Variants in RAP1GAP2 observed in about 807,000 individuals in gnomAD.
RAP1GAP2 encodes the protein rap1 GTPase-activating protein 2.
RAP1GAP2 carries 27 observed loss-of-function variants against 95.0 expected under a neutral mutation model. That is an observed-to-expected ratio of 0.28 (90% CI 0.21 to 0.39). RAP1GAP2 has a LOEUF of 0.39. Ranked by LOEUF, RAP1GAP2 falls within the 10% of genes least tolerant of loss-of-function variation. RAP1GAP2 has a pLI of 1.00. For missense variants in RAP1GAP2, 771 were observed against 970.0 expected (o/e 0.79, Z 2.72); for synonymous variants, 373 against 380.9 (o/e 0.98, Z 0.24).
intron 8 of RAP1GAP2, among the ~76,000 whole-genome samples, chr17:2,974,714 T>C (rs1211485927): frequency 6.6e-6 from 1 of 152,112 alleles, no homozygotes; most frequent in Non-Finnish European, 1.5e-5. Context: ...TGTTGCTTAT[T>C]TGTGCCCCTC....
intron 2 of RAP1GAP2, among the ~76,000 whole-genome samples, chr17:2,808,999 G>T (rs1028284086): frequency 1.3e-5 from 2 of 152,216 alleles, no homozygotes; most frequent in African/African-American, 4.8e-5. Context: ...AAGCAGGGAA[G>T]GCGAGCGCTT....
chr17:2,885,223 G>T (rs2073450327), intron 2 of RAP1GAP2, among the ~76,000 whole-genome samples: 1 of 151,980 alleles, frequency 6.6e-6, no homozygotes, highest in African/African-American at 2.4e-5. Flanking sequence ...TGGTAGAGAT[G>T]GGGTTTCCCC....
intron 3 of RAP1GAP2, among the ~76,000 whole-genome samples, chr17:2,944,500 C>G (rs1434599968): frequency 7.2e-5 from 11 of 152,108 alleles, no homozygotes; most frequent in Non-Finnish European, 1.5e-5. Flanking sequence ...GTTCATATGC[C>G]TGTTATTGCC....
intron 2 of RAP1GAP2, among the ~76,000 whole-genome samples, chr17:2,846,774 G>C (rs1049123452): frequency 5.3e-5 from 8 of 152,124 alleles, no homozygotes; most frequent in Non-Finnish European, 1.0e-4. Flanking sequence ...CTGGGGGTAG[G>C]ATTCTAACCC....
intron 3 of RAP1GAP2, among the ~76,000 whole-genome samples, chr17:2,939,207 A>G (rs758306603): frequency 2.0e-5 from 3 of 151,196 alleles, no homozygotes; most frequent in Non-Finnish European, 4.4e-5. Flanking sequence ...CCTCTGCCTC[A>G]CTCCCCCGAG....
rs2044576589 is a variant in RAP1GAP2 at position 2,965,954 on chromosome 17, T to C, written c.596+311T>C. On this transcript the variant is annotated intron_variant, in intron 8 of 24. Transcript: ENST00000254695. The surrounding 1 kb of genome is among the most constrained non-coding windows in gnomAD (Gnocchi z 4.7). Reference sequence around the variant, plus strand: ...AGGAAGACGGGAAGAAAAGTAGGGATGGTTCAGTGTGACTCATCCTGCTGA... The same window carrying C: ...AGGAAGACGGGAAGAAAAGTAGGGACGGTTCAGTGTGACTCATCCTGCTGA... The C allele has an allele frequency of 2.8e-6, 1 of 355,130 alleles. No individual in the cohort carries two copies. Among genetic ancestry groups the C allele is most frequent in the African/African-American group, 2.1e-5 (1 of 48,772 alleles). The allele number at this position is 355,130 out of a possible 1,614,324, so 22.0% of individuals were successfully genotyped here. A position where few individuals can be genotyped will look rare whatever the true frequency, so the allele number is the denominator to read the frequency against.
chr17:2,830,186 C>A (rs949892148), intron 2 of RAP1GAP2, among the ~76,000 whole-genome samples: 2 of 151,916 alleles, frequency 1.3e-5, no homozygotes, highest in Admixed American at 6.6e-5. Flanking sequence ...CCGAGGTGGG[C>A]GGATCACTTG....
In RAP1GAP2 at chr17:2,811,350, T is replaced by C. The variant is rs1394038716; in HGVS notation, c.80+10800T>C. On this transcript the variant is annotated intron_variant, in intron 2 of 24. Coordinates refer to ENST00000254695, the MANE Select transcript of RAP1GAP2 (RefSeq NM_015085.5). ...GAGCAGGGGTGCTGCTAACTTGCGA[T>C]AGGACAACACAGAGGTGGTCAGGGC... Among the ~76,000 whole-genome samples, 6 of 152,162 alleles carry C rather than the reference T, an allele frequency of 3.9e-5. 1 individual carries two copies. The highest frequency in any genetic ancestry group is 3.9e-4 in the Admixed American group (6 of 15,274).
At chr17:2,758,153 G>C (rs1046800339) in intron 1 of RAP1GAP2, among the ~76,000 whole-genome samples, 6 of 147,716 alleles carry the variant, frequency 4.1e-5, no homozygotes, top group Non-Finnish European at 8.9e-5. Flanking sequence ...ACAGGCGTGA[G>C]CCACCACGCC....
intron 2 of RAP1GAP2, among the ~76,000 whole-genome samples, chr17:2,881,851 C>T (rs187897448): frequency 5.9e-5 from 9 of 152,246 alleles, no homozygotes; most frequent in Non-Finnish European, 8.8e-5. Context: ...GACGGAGTCT[C>T]GCTATGTCGC....
chr17:2,994,391 A>C (rs17221989), intron 12 of RAP1GAP2, among the ~76,000 whole-genome samples: 17,349 of 152,188 alleles, frequency 0.11, 1,714 homozygotes, highest in East Asian at 0.47. Context: ...GTATAAAGGC[A>C]GAAGGGACAA....
chr17:2,965,246 C>G lies in RAP1GAP2; in HGVS notation c.493-294C>G. ...CTCATCGTGTCATCCTGGGCAGTGA[C>G]TTAACCCCCCGACCATTGGTTTTCC... is the stretch of plus-strand genomic sequence containing the variant. On this transcript the variant is annotated intron_variant, in intron 7 of 24. Transcript: ENST00000254695. This position sits in a 1 kb window ranked among gnomAD's most constrained non-coding sequence, Gnocchi z 4.7. 1 of 430,478 alleles carries G rather than the reference C, an allele frequency of 2.3e-6. No individual in the cohort carries two copies. The highest frequency in any genetic ancestry group is 2.5e-5 in the South Asian group (1 of 39,872). The allele number at this position is 430,478 out of a possible 1,614,324, so 26.7% of individuals were successfully genotyped here.
intron 2 of RAP1GAP2, among the ~76,000 whole-genome samples, chr17:2,840,578 G>A (rs1219262219): frequency 1.3e-5 from 2 of 151,898 alleles, no homozygotes; most frequent in Non-Finnish European, 2.9e-5. Context: ...CAAACTCCTG[G>A]GCTCAACTTG....
chr17:2,781,527 C>T lies in RAP1GAP2; in HGVS notation c.-14+4249C>T, dbSNP rs140106295. 4.7e-3 allele frequency among the ~76,000 whole-genome samples: 707 copies of T among 151,180 alleles called. 4 individuals are homozygous for T. The highest frequency in any genetic ancestry group is 0.015 in the African/African-American group (623 of 41,034). ...CCCCTGTGTGTGCACCGTGTGAGCA[C>T]GTCTCTGTGTGAGCACGTCTCTGTG... is the stretch of plus-strand genomic sequence containing the variant. On this transcript the variant is annotated intron_variant, in intron 1 of 24. Transcript: ENST00000540393.
At chr17:2,759,665 G>A (rs1261968693) in intron 1 of RAP1GAP2, among the ~76,000 whole-genome samples, 1 of 152,074 alleles carries the variant, frequency 6.6e-6, no homozygotes, top group Non-Finnish European at 1.5e-5. Flanking sequence ...TGGCCAGGCT[G>A]GTCTCAAACT....
intron 1 of RAP1GAP2, among the ~76,000 whole-genome samples, chr17:2,785,019 T>TCCCC (rs1330202372): frequency 5.9e-5 from 9 of 152,350 alleles, no homozygotes; most frequent in Admixed American, 1.3e-4. Context: ...TCACTGTTCA[T>TCCCC]CTGCCTGCGG....
At chr17:2,953,283 T>C (rs1243013290) in intron 3 of RAP1GAP2, among the ~76,000 whole-genome samples, 1 of 151,820 alleles carries the variant, frequency 6.6e-6, no homozygotes, top group Non-Finnish European at 1.5e-5. Context: ...ACTGCAGCCT[T>C]GAACTCCTGG....
At chr17:2,807,750 G>A (rs2069580879) in intron 2 of RAP1GAP2, among the ~76,000 whole-genome samples, 1 of 152,146 alleles carries the variant, frequency 6.6e-6, no homozygotes, top group Non-Finnish European at 1.5e-5. Flanking sequence ...GCTGGGGGAA[G>A]GCAGGCCACG....
At chr17:2,781,904 G>A (rs1352781516) in intron 1 of RAP1GAP2, among the ~76,000 whole-genome samples, 1 of 151,890 alleles carries the variant, frequency 6.6e-6, no homozygotes, top group Non-Finnish European at 1.5e-5. Flanking sequence ...CTCTGTGTGT[G>A]CAGGTCTCTG....
Sources: gnomAD v4.1 joint callset for allele counts (sites outside exome capture counted in the v4.1 genomes callset) on GRCh38, gnomAD v4.1.1 for gene constraint, Gnocchi (gnomAD v3.1) non-coding constraint, MANE v1.5 for transcripts, NCBI Gene and HGNC (gene_info 2026-07-23, HGNC 2026-07-21) for gene names.